Variants in STIM2 observed in about 807,000 individuals in gnomAD.
The protein encoded by STIM2 is stromal interaction molecule 2.
Under a neutral mutation model 85.8 loss-of-function variants are expected in STIM2, and 31 were observed. That is an observed-to-expected ratio of 0.36 (90% CI 0.27 to 0.49). STIM2 has a LOEUF of 0.49. STIM2 is among the 20% of genes least tolerant of loss of function. The pLI, the probability that STIM2 is intolerant of heterozygous loss-of-function variation, is 0.98. For missense variants in STIM2, 841 were observed against 927.6 expected (o/e 0.91, Z 1.21); for synonymous variants, 356 against 331.1 (o/e 1.08, Z -0.82).
intron 1 of STIM2, among the ~76,000 whole-genome samples, chr4:26,885,734 A>G (rs991450787): frequency 1.3e-5 from 2 of 149,648 alleles, no homozygotes; most frequent in Admixed American, 6.7e-5. Context: ...TTACCAGGCT[A>G]TGTAGTTTAT....
At chr4:26,919,393 T>G in intron 1 of STIM2, 111 bp from the exon 2 acceptor site, 1 of 1,425,848 alleles carries the variant, frequency 7.0e-7, no homozygotes, top group Non-Finnish European at 9.6e-7. Flanking sequence ...AGTCTCTTAG[T>G]TTAACTTAGT....
intron 1 of STIM2, among the ~76,000 whole-genome samples, chr4:26,889,587 A>G (rs1021031005): frequency 6.6e-6 from 1 of 152,194 alleles, no homozygotes; most frequent in Admixed American, 6.5e-5. Context: ...TTCATGAGAT[A>G]GTTGGCTGAT....
chr4:27,013,826 G>A (rs997009959), intron 10 of STIM2, among the ~76,000 whole-genome samples: 7 of 151,984 alleles, frequency 4.6e-5, no homozygotes, highest in African/African-American at 1.7e-4. Context: ...CTAAGGTATG[G>A]ATTATTTGTT....
intron 3 of STIM2, among the ~76,000 whole-genome samples, chr4:26,981,236 C>G (rs1230960024): frequency 6.6e-6 from 1 of 152,172 alleles, no homozygotes; most frequent in Non-Finnish European, 1.5e-5. Context: ...ACCCACCCCC[C>G]ACCTTAGAGG....
rs1330626809 is a variant in STIM2 at position 26,861,335 on chromosome 4, C to T, written c.117C>T (p.Ala39=). 4 of 1,378,414 alleles carry T rather than the reference C, an allele frequency of 2.9e-6. No individual in the cohort carries two copies. The highest frequency in any genetic ancestry group is 3.7e-6 in the Non-Finnish European group (4 of 1,071,252). The allele number at this position is 1,378,414 out of a possible 1,614,324, so 85.4% of individuals were successfully genotyped here. Residue 39 remains alanine, a synonymous_variant, in exon 1 of 12, where the codon GCC becomes GCT. Coordinates refer to ENST00000467087, the MANE Select transcript of STIM2 (RefSeq NM_020860.4). ...CCGCAACTGCCGCCTCCTCTCCCGCCGCGGCGGCCGGCGATAGCCCGGCGC... is the reference window on the plus strand; with the variant it reads ...CCGCAACTGCCGCCTCCTCTCCCGCTGCGGCGGCCGGCGATAGCCCGGCGC...
At chr4:27,021,715 A>G (rs1272991663) in intron 11 of STIM2, 8 of 439,178 alleles carry the variant, frequency 1.8e-5, no homozygotes, top group African/African-American at 6.0e-5. Context: ...AGGAAGACCA[A>G]TTAGGAAGCC....
intron 3 of STIM2, among the ~76,000 whole-genome samples, chr4:26,959,920 A>C (rs935135651): frequency 1.3e-5 from 2 of 152,172 alleles, no homozygotes; most frequent in African/African-American, 4.8e-5. Flanking sequence ...TGGCAGAAGT[A>C]GTCTCAGTAT....
At chr4:26,986,750 T>C (rs1422002772) in intron 3 of STIM2, among the ~76,000 whole-genome samples, 1 of 152,352 alleles carries the variant, frequency 6.6e-6, no homozygotes, top group East Asian at 1.9e-4. Context: ...AAGTGAGATA[T>C]CAGGCAGACA....
chr4:26,990,171 C>T (rs1727714667), intron 3 of STIM2, among the ~76,000 whole-genome samples: 1 of 152,026 alleles, frequency 6.6e-6, no homozygotes, highest in South Asian at 2.1e-4. Context: ...AAAAAGAACA[C>T]TGCTGGAGAT....
intron 1 of STIM2, among the ~76,000 whole-genome samples, chr4:26,909,313 C>T (rs1241701839): frequency 6.6e-6 from 1 of 152,126 alleles, no homozygotes; most frequent in East Asian, 1.9e-4. Flanking sequence ...GTAATTCTAA[C>T]AATAACCTTG....
intron 2 of STIM2, among the ~76,000 whole-genome samples, chr4:26,933,107 C>A (rs1725263055): frequency 6.6e-6 from 1 of 151,526 alleles, no homozygotes; most frequent in Non-Finnish European, 1.5e-5. Flanking sequence ...GGTCTCTGTA[C>A]CCCGGATATA....
chr4:26,881,465 C>CAAA lies in STIM2; in HGVS notation c.151+20109_151+20111dup, dbSNP rs33990831. 2.3e-3 allele frequency: 280 copies of CAAA among 121,202 alleles called. 1 individual carries two copies. Among genetic ancestry groups the CAAA allele is most frequent in the Middle Eastern group, 8.5e-3 (2 of 236 alleles). 7.5% of individuals were successfully genotyped at this position (121,202 alleles called of 1,614,324 possible). On this transcript the variant is annotated intron_variant, in intron 1 of 11. Transcript: ENST00000467087. ...TGGGCAACACAGTGAGACTCCATCT[C>CAAA]AAAAAAAAAAAAAAAGCCACTTTTG...
intron 5 of STIM2, among the ~76,000 whole-genome samples, chr4:27,001,016 G>A (rs940200711): frequency 6.6e-6 from 1 of 152,122 alleles, no homozygotes; most frequent in African/African-American, 2.4e-5. Context: ...CCCTACAGGT[G>A]GAAGGGTGAA....
intron 1 of STIM2, among the ~76,000 whole-genome samples, chr4:26,888,535 G>A (rs1406634883): frequency 1.3e-5 from 2 of 152,154 alleles, no homozygotes; most frequent in African/African-American, 4.8e-5. Context: ...GTTTTCTGTG[G>A]CTGGTCACAT....
At chr4:26,863,601 A>G (rs933068565) in intron 1 of STIM2, among the ~76,000 whole-genome samples, 8 of 152,118 alleles carry the variant, frequency 5.3e-5, no homozygotes, top group Admixed American at 4.6e-4. Flanking sequence ...CTAGAACCTA[A>G]TTTATTAGCA....
chr4:26,966,784 C>T (rs1312788532), intron 3 of STIM2, among the ~76,000 whole-genome samples: 1 of 152,046 alleles, frequency 6.6e-6, no homozygotes, highest in African/African-American at 2.4e-5. Context: ...AATCACTTAG[C>T]ATGTTTTTAT....
At chr4:26,973,157 G>A (rs953043186) in intron 3 of STIM2, among the ~76,000 whole-genome samples, 7 of 152,068 alleles carry the variant, frequency 4.6e-5, no homozygotes, top group African/African-American at 1.7e-4. Context: ...CTTGCTAGCA[G>A]TCTATCAATT....
intron 2 of STIM2, among the ~76,000 whole-genome samples, chr4:26,957,254 G>A (rs62302535): frequency 0.19 from 28,524 of 152,012 alleles, 2,863 homozygotes; most frequent in East Asian, 0.41. Flanking sequence ...TACAGACACA[G>A]CCATCCATTT....
chr4:26,928,428 A>G lies in STIM2; in HGVS notation c.282+8794A>G, dbSNP rs550317827. Among the ~76,000 whole-genome samples the G allele has an allele frequency of 2.0e-5, 3 of 152,348 alleles. No individual in the cohort carries two copies. The South Asian group carries it at 6.2e-4, about 32-fold the overall frequency. On this transcript the variant is annotated intron_variant, in intron 2 of 11. Transcript: ENST00000467087. Reference sequence around the variant, plus strand: ...ATATACACAGAGAAAGTATCAAGGAAGCTTTTGCAGATATTTGACAGCCTA... The same window carrying G: ...ATATACACAGAGAAAGTATCAAGGAGGCTTTTGCAGATATTTGACAGCCTA...
Sources: gnomAD v4.1 joint callset for allele counts (sites outside exome capture counted in the v4.1 genomes callset) on GRCh38, gnomAD v4.1.1 for gene constraint, MANE v1.5 for transcripts, NCBI Gene and HGNC (gene_info 2026-07-23, HGNC 2026-07-21) for gene names.